The following PTPRQ variants were observed in gnomAD, a reference collection of about 807,000 sequenced individuals.
The protein encoded by PTPRQ is protein tyrosine phosphatase receptor type Q.
PTPRQ carries 199 observed loss-of-function variants against 246.0 expected under a neutral mutation model. That is an observed-to-expected ratio of 0.81 (90% confidence interval 0.72 to 0.91). The LOEUF is 0.91. Among genes scored for constraint, PTPRQ ranks in the 40% least tolerant of loss-of-function variants. PTPRQ has a pLI of 0.00. For missense variants in PTPRQ, 2,624 were observed against 2,528.4 expected (o/e 1.04, Z -0.81); for synonymous variants, 869 against 853.2 (o/e 1.02, Z -0.32).
At chr12:80,554,594 CT>C (rs1411900349) in intron 25 of PTPRQ, among the ~76,000 whole-genome samples, 1 of 152,054 alleles carries the variant, frequency 6.6e-6, no homozygotes, top group Non-Finnish European at 1.5e-5. Context: ...TAGGGGTGTT[CT>C]TTTCTGCAGT....
chr12:80,619,524 C>T lies in PTPRQ; in HGVS notation c.5371C>T (p.Leu1791Phe). Residue 1791 changes from leucine (L) to phenylalanine (F), a missense_variant, in exon 31 of 45, where the codon CTT (leucine) becomes TTT (phenylalanine). Leu to Phe is a conservative substitution (Grantham distance 22). Coordinates refer to ENST00000644991, the MANE Select transcript of PTPRQ (RefSeq NM_001145026.2). ...DHGPIKNVQV[L>F]VTETGAQHDG... ...TGGACCAATAAAAAATGTACAAGTG[C>T]TTGTGACAGAAACAGGAGGTATCAT... 6.5e-7 allele frequency: 1 copy of T among 1,533,780 alleles called. No individual in the cohort carries two copies. The highest frequency in any genetic ancestry group is 1.2e-5 in the South Asian group (1 of 81,112).
chr12:80,485,192 CTT>C (rs748378283), intron 9 of PTPRQ, among the ~76,000 whole-genome samples: 13 of 152,162 alleles, frequency 8.5e-5, no homozygotes, highest in Non-Finnish European at 1.8e-4. Context: ...CACTGGAAGT[CTT>C]ATTTTTTTCC....
intron 9 of PTPRQ, among the ~76,000 whole-genome samples, chr12:80,491,293 A>T (rs1335056798): frequency 1.3e-5 from 2 of 151,894 alleles, no homozygotes; most frequent in Admixed American, 1.3e-4. Context: ...TACACAGTAG[A>T]TTTTCAAAGG....
chr12:80,625,506 G>A (rs1010770219), intron 33 of PTPRQ, among the ~76,000 whole-genome samples: 5 of 152,144 alleles, frequency 3.3e-5, no homozygotes, highest in African/African-American at 9.7e-5. Flanking sequence ...ACAGACCATT[G>A]TAGTGGTAAT....
At chr12:80,447,515 G>A (rs1385052350) in intron 3 of PTPRQ, among the ~76,000 whole-genome samples, 1 of 151,946 alleles carries the variant, frequency 6.6e-6, no homozygotes, top group African/African-American at 2.4e-5. Flanking sequence ...TTTCTTACTA[G>A]TATTTTTATA....
intron 25 of PTPRQ, among the ~76,000 whole-genome samples, chr12:80,572,038 G>T (rs1384549495): frequency 6.6e-6 from 1 of 151,708 alleles, no homozygotes; most frequent in African/African-American, 2.4e-5. Flanking sequence ...AAATTATAAT[G>T]ATCTTATTAA....
intron 18 of PTPRQ, 63 bp downstream of exon 18, chr12:80,534,238 C>A: frequency 1.5e-6 from 2 of 1,366,388 alleles, no homozygotes; most frequent in Non-Finnish European, 1.9e-6. Context: ...AAATCCTGCC[C>A]AGAAAAATAT....
chr12:80,503,541 T>A (rs1894865495), intron 14 of PTPRQ, among the ~76,000 whole-genome samples: 1 of 151,828 alleles, frequency 6.6e-6, no homozygotes, highest in African/African-American at 2.4e-5. Context: ...TATTAGTAAT[T>A]TTTATATGCA....
At chr12:80,467,818 G>A (rs1893484174) in intron 6 of PTPRQ, among the ~76,000 whole-genome samples, 1 of 151,920 alleles carries the variant, frequency 6.6e-6, no homozygotes, top group African/African-American at 2.4e-5. Flanking sequence ...GAGAACACAT[G>A]GACACAGGAA....
At chr12:80,540,425 A>G (rs1475957825) in intron 20 of PTPRQ, among the ~76,000 whole-genome samples, 1 of 152,034 alleles carries the variant, frequency 6.6e-6, no homozygotes, top group African/African-American at 2.4e-5. Context: ...GAAGAATCCT[A>G]TTTATCCCGA....
intron 25 of PTPRQ, among the ~76,000 whole-genome samples, chr12:80,563,936 G>A (rs1340656738): frequency 6.6e-6 from 1 of 152,038 alleles, no homozygotes; most frequent in Non-Finnish European, 1.5e-5. Context: ...GTATGGGAAA[G>A]AATGAGATCA....
At chr12:80,596,547 T>A (rs1490937725) in intron 26 of PTPRQ, among the ~76,000 whole-genome samples, 1 of 152,042 alleles carries the variant, frequency 6.6e-6, no homozygotes, top group African/African-American at 2.4e-5. Context: ...AATTCTCCTA[T>A]TTTCTCTGAG....
At chr12:80,568,348 T>A (rs1235836672) in intron 25 of PTPRQ, among the ~76,000 whole-genome samples, 1 of 152,228 alleles carries the variant, frequency 6.6e-6, no homozygotes, top group African/African-American at 2.4e-5. Flanking sequence ...TTAATTGTTA[T>A]ACACTTTCAA....
chr12:80,550,777 T>C (rs1289670850), intron 25 of PTPRQ, among the ~76,000 whole-genome samples: 1 of 152,140 alleles, frequency 6.6e-6, no homozygotes, highest in Non-Finnish European at 1.5e-5. Flanking sequence ...TGCTCCAAAA[T>C]TTTCTATGTA....
intron 8 of PTPRQ, 101 bp from the exon 9 acceptor site, chr12:80,484,332 T>C: frequency 7.4e-7 from 1 of 1,342,540 alleles, no homozygotes; most frequent in Non-Finnish European, 9.9e-7. Flanking sequence ...TAGAATTGTT[T>C]ATATATCTTA....
At position 80,610,606 on chromosome 12, in the gene PTPRQ, T is replaced by C; in HGVS notation, c.4899T>C (p.Ile1633=). 1 of 1,542,616 alleles carries C rather than the reference T, an allele frequency of 6.5e-7. No individual in the cohort carries two copies. The highest frequency in any genetic ancestry group is 2.5e-5 in the East Asian group (1 of 40,626). The part of the protein sequence containing the change: ...YVEGKSSAEM[I]VTTLESAPKD... ...AAGGGAAGTCAAGTGCTGAAATGAT[T>C]GTTACTACTTTAGAATCAGGTAAGG... is the stretch of plus-strand genomic sequence containing the variant. Residue 1633 remains isoleucine (I), a synonymous_variant, in exon 28 of 45, where the codon ATT becomes ATC. Transcript: ENST00000644991.
At chr12:80,671,897 A>G (rs1333875979) in intron 42 of PTPRQ, among the ~76,000 whole-genome samples, 1 of 151,776 alleles carries the variant, frequency 6.6e-6, no homozygotes, top group Non-Finnish European at 1.5e-5. Flanking sequence ...TCCTCACTGT[A>G]CTCTCACCTC....
At chr12:80,463,201 C>T (rs553756665) in intron 6 of PTPRQ, among the ~76,000 whole-genome samples, 3 of 151,992 alleles carry the variant, frequency 2.0e-5, no homozygotes, top group Non-Finnish European at 2.9e-5. Flanking sequence ...AGCCAAGGCA[C>T]GAGAACTACG....
chr12:80,529,138 T>C (rs1895774244), intron 17 of PTPRQ, among the ~76,000 whole-genome samples: 1 of 152,162 alleles, frequency 6.6e-6, no homozygotes, highest in Non-Finnish European at 1.5e-5. Context: ...GCAAGTTGTA[T>C]AGAGTAATTA....
Sources: allele counts gnomAD v4.1 joint callset (sites outside exome capture counted in the v4.1 genomes callset), GRCh38; gene constraint gnomAD v4.1.1; transcripts MANE v1.5; gene names NCBI Gene and HGNC (gene_info 2026-07-23, HGNC 2026-07-21).